The following GLCCI1 variants were observed in gnomAD, a reference collection of about 807,000 sequenced individuals.
GLCCI1 encodes the protein glucocorticoid induced 1.
Under a neutral mutation model 52.2 loss-of-function variants are expected in GLCCI1, and 24 were observed. The ratio of observed to expected loss-of-function variants is 0.46; its 90% confidence interval spans 0.33 to 0.65. The LOEUF (loss-of-function observed/expected upper bound fraction) is 0.65. Ranked by LOEUF, GLCCI1 falls within the 30% of genes least tolerant of loss-of-function variation. The pLI, the probability that GLCCI1 is intolerant of heterozygous loss-of-function variation, is 0.02. For missense variants in GLCCI1, 704 were observed against 701.5 expected, an observed-to-expected ratio of 1.00 and a Z score of -0.04; for synonymous variants, 310 against 276.5, an observed-to-expected ratio of 1.12 and a Z score of -1.20.
intron 3 of GLCCI1, among the ~76,000 whole-genome samples, chr7:8,023,116 C>T (rs528941756): frequency 7.9e-5 from 12 of 152,126 alleles, no homozygotes; most frequent in South Asian, 2.1e-4. Context: ...CCCAGGTTCA[C>T]GCCATTCTCC....
chr7:8,067,248 C>G (rs1199263467), intron 5 of GLCCI1, among the ~76,000 whole-genome samples: 6 of 151,952 alleles, frequency 3.9e-5, no homozygotes, highest in Non-Finnish European at 7.4e-5. Flanking sequence ...TTCTCCATCC[C>G]TTTATTTTGA....
intron 3 of GLCCI1, among the ~76,000 whole-genome samples, chr7:8,030,725 T>A (rs2109391): frequency 6.6e-6 from 1 of 152,042 alleles, no homozygotes. Context: ...ATGGGCAAAA[T>A]ATTTGATTAG....
intron 3 of GLCCI1, among the ~76,000 whole-genome samples, chr7:8,046,021 G>A (rs988993506): frequency 2.0e-5 from 3 of 151,532 alleles, no homozygotes; most frequent in Non-Finnish European, 4.4e-5. Flanking sequence ...AATTCACTAT[G>A]AGAATAGAAG....
At chr7:8,068,510 C>A (rs1293838296) in intron 5 of GLCCI1, among the ~76,000 whole-genome samples, 1 of 152,202 alleles carries the variant, frequency 6.6e-6, no homozygotes, top group Non-Finnish European at 1.5e-5. Context: ...TTCCTTCTTA[C>A]AATGGCCATT....
At chr7:7,981,093 A>G (rs921619394) in intron 1 of GLCCI1, 43 of 472,196 alleles carry the variant, frequency 9.1e-5, no homozygotes, top group Non-Finnish European at 1.6e-4. Context: ...TACCTGATGC[A>G]GATATTAAAC....
chr7:8,040,463 C>G (rs1439533327), intron 3 of GLCCI1, among the ~76,000 whole-genome samples: 1 of 151,340 alleles, frequency 6.6e-6, no homozygotes, highest in Non-Finnish European at 1.5e-5. Flanking sequence ...GCACTCCAGC[C>G]TGGGTGGCAG....
At chr7:8,048,940 G>A (rs1307958545) in intron 3 of GLCCI1, among the ~76,000 whole-genome samples, 1 of 152,152 alleles carries the variant, frequency 6.6e-6, no homozygotes, top group Non-Finnish European at 1.5e-5. Flanking sequence ...TTGTCCCAGA[G>A]GGAACGTAAG....
At position 8,060,062 on chromosome 7, in the gene GLCCI1, A is replaced by G. The variant is rs763988478; in HGVS notation, c.814-34A>G. ...TTAGTTCTTGATTGCTTTGACCACA[A>G]ATAATTTGATACCACCTTTATCTTA... On this transcript the variant is annotated intron_variant, in intron 4 of 7. Coordinates refer to ENST00000223145, the MANE Select transcript of GLCCI1 (RefSeq NM_138426.4). The G allele has an allele frequency of 4.5e-6, 7 of 1,570,476 alleles. No individual in the cohort carries two copies. In the Admixed American group the frequency reaches 9.7e-5, roughly 22 times the overall value.
intron 2 of GLCCI1, among the ~76,000 whole-genome samples, chr7:8,005,782 G>T (rs1214896453): frequency 6.8e-6 from 1 of 147,908 alleles, no homozygotes; most frequent in African/African-American, 2.5e-5. Flanking sequence ...ACATTATCTA[G>T]TTTTTTTTTT....
At chr7:8,070,218 C>T (rs1323090271) in intron 5 of GLCCI1, 1 of 152,146 alleles carries the variant, frequency 6.6e-6, no homozygotes, top group Admixed American at 6.5e-5. Context: ...ATGATGGTTT[C>T]CTTTTTTTCC....
chr7:8,055,348 C>T, intron 3 of GLCCI1, 85 bp from the exon 4 acceptor site: 2 of 700,592 alleles, frequency 2.9e-6, no homozygotes, highest in South Asian at 2.1e-5. Flanking sequence ...ATGTTTTAAT[C>T]AGTACCCCAA....
chr7:8,080,967 G>A (rs1037610852), intron 6 of GLCCI1, among the ~76,000 whole-genome samples: 7 of 150,978 alleles, frequency 4.6e-5, no homozygotes, highest in African/African-American at 1.2e-4. Context: ...AAGCCACCTC[G>A]CCCAGCGCTT....
chr7:8,004,168 A>G, intron 2 of GLCCI1, 109 bp downstream of exon 2: 1 of 994,606 alleles, frequency 1.0e-6, no homozygotes, highest in Non-Finnish European at 1.5e-6. Flanking sequence ...AATACATCCA[A>G]CCAAGGAAGA....
intron 3 of GLCCI1, among the ~76,000 whole-genome samples, chr7:8,040,152 T>C (rs1583992755): frequency 6.6e-6 from 1 of 152,152 alleles, no homozygotes; most frequent in South Asian, 2.1e-4. Context: ...CATGAAAAGG[T>C]GTTCAACATC....
In GLCCI1 at chr7:8,023,578, C is replaced by A. The variant is rs1318792707; in HGVS notation, c.696+1009C>A. ...CTCCTTAAAAAGATGGTCATCTAAT[C>A]TCTGTTATTCTTTTTTTTTTTTTTT... On this transcript the variant is annotated intron_variant, in intron 3 of 7. Coordinates refer to ENST00000223145, the MANE Select transcript of GLCCI1 (RefSeq NM_138426.4). Among the ~76,000 whole-genome samples the A allele has an allele frequency of 3.6e-5, 3 of 83,922 alleles. No homozygotes were observed. The Admixed American group carries it at 3.6e-4, about 10-fold the overall frequency. 55.1% of individuals were successfully genotyped at this position (83,922 alleles called of 152,430 possible).
At chr7:8,022,594 G>A in intron 3 of GLCCI1, 25 bp downstream of exon 3, 1 of 1,491,276 alleles carries the variant, frequency 6.7e-7, no homozygotes, top group South Asian at 1.3e-5. Flanking sequence ...TTTTCCGTCT[G>A]TAACCTGTTT....
At chr7:8,077,780 G>T (rs1038918829) in intron 6 of GLCCI1, among the ~76,000 whole-genome samples, 1 of 152,172 alleles carries the variant, frequency 6.6e-6, no homozygotes, top group Admixed American at 6.5e-5. Flanking sequence ...TATTTTGTAG[G>T]AACCTGATTA....
At chr7:8,010,473 T>G (rs1781242189) in intron 2 of GLCCI1, among the ~76,000 whole-genome samples, 1 of 152,212 alleles carries the variant, frequency 6.6e-6, no homozygotes, top group African/African-American at 2.4e-5. Context: ...TAATATCTTA[T>G]AAAATCTCTG....
At chr7:7,990,113 A>G (rs954894600) in intron 1 of GLCCI1, among the ~76,000 whole-genome samples, 1 of 152,096 alleles carries the variant, frequency 6.6e-6, no homozygotes, top group Admixed American at 6.6e-5. Context: ...CTACTTTGAG[A>G]TGAGTCCAGT....
Sources: gnomAD v4.1 joint callset for allele counts (sites outside exome capture counted in the v4.1 genomes callset) on GRCh38, gnomAD v4.1.1 for gene constraint, MANE v1.5 for transcripts, NCBI Gene and HGNC (gene_info 2026-07-23, HGNC 2026-07-21) for gene names.